The following ARHGEF10 variants were observed in gnomAD, a reference collection of about 807,000 sequenced individuals.
The protein encoded by ARHGEF10 is Rho guanine nucleotide exchange factor 10.
ARHGEF10 carries 140 observed loss-of-function variants against 147.4 expected under a neutral mutation model. That is an observed-to-expected ratio of 0.95 (90% CI 0.83 to 1.09). The LOEUF (loss-of-function observed/expected upper bound fraction) is 1.09. Ranked by LOEUF, ARHGEF10 falls within the 50% of genes least tolerant of loss-of-function variation. ARHGEF10 has a pLI of 0.00. For missense variants in ARHGEF10, 2,222 were observed against 1,752.7 expected, an observed-to-expected ratio of 1.27 and a Z score of -4.78; for synonymous variants, 902 against 695.8, an observed-to-expected ratio of 1.30 and a Z score of -4.67.
upstream of ARHGEF10, among the ~76,000 whole-genome samples, chr8:1,823,698 T>C (rs1802545043): frequency 6.6e-6 from 1 of 151,004 alleles, no homozygotes; most frequent in African/African-American, 2.4e-5. Context: ...CAGGAGATGA[T>C]CCGGGGGCGG....
intron 1 of ARHGEF10, among the ~76,000 whole-genome samples, chr8:1,826,808 C>T (rs932081955): frequency 6.6e-6 from 1 of 152,218 alleles, no homozygotes; most frequent in African/African-American, 2.4e-5. Flanking sequence ...CTCAGAGAAT[C>T]TGTGTTTCAT....
intron 1 of ARHGEF10, among the ~76,000 whole-genome samples, chr8:1,834,158 T>C (rs1268694837): frequency 6.6e-6 from 1 of 152,078 alleles, no homozygotes; most frequent in African/African-American, 2.4e-5. Flanking sequence ...TGGTGGCCGG[T>C]CCGGGGCTGC....
At chr8:1,921,131 A>T (rs901220949) in intron 18 of ARHGEF10, among the ~76,000 whole-genome samples, 1 of 152,188 alleles carries the variant, frequency 6.6e-6, no homozygotes, top group Non-Finnish European at 1.5e-5. Context: ...TGCAGTTAGT[A>T]ATTGCATTTG....
chr8:1,895,904 C>G lies in ARHGEF10; in HGVS notation c.1441-429C>G, dbSNP rs1482359356. Reference sequence around the variant, plus strand: ...AGAGAAGCAGGATCAGCCCCCGCCCCCAGCCCCCATTTCTAGGGTGTGGTT... The same window carrying G: ...AGAGAAGCAGGATCAGCCCCCGCCCGCAGCCCCCATTTCTAGGGTGTGGTT... On this transcript the variant is annotated intron_variant, in intron 13 of 28. Transcript: ENST00000349830. 2.6e-5 allele frequency among the ~76,000 whole-genome samples: 4 copies of G among 152,022 alleles called. No homozygotes were observed. The East Asian group carries it at 7.7e-4, about 29-fold the overall frequency.
chr8:1,909,936 A>G (rs1162752274), intron 18 of ARHGEF10, among the ~76,000 whole-genome samples: 1 of 152,188 alleles, frequency 6.6e-6, no homozygotes, highest in Non-Finnish European at 1.5e-5. Flanking sequence ...CCATGGAGGC[A>G]GTGCTTGTCC....
intron 1 of ARHGEF10, among the ~76,000 whole-genome samples, chr8:1,831,260 A>G (rs1341232377): frequency 7.0e-6 from 1 of 143,044 alleles, no homozygotes. Context: ...GGACAGTGGC[A>G]GCCGTGGAGG....
At chr8:1,929,218 T>A (rs1045540519) in intron 24 of ARHGEF10, 68 bp from the exon 25 acceptor site, 2 of 1,535,004 alleles carry the variant, frequency 1.3e-6, no homozygotes. Flanking sequence ...TGTGTTTATG[T>A]TAACAGGCAC....
chr8:1,912,362 C>T (rs530516551), intron 18 of ARHGEF10, among the ~76,000 whole-genome samples: 1 of 152,052 alleles, frequency 6.6e-6, no homozygotes, highest in East Asian at 1.9e-4. Flanking sequence ...GCTCGCCGTC[C>T]CTGCAAAAGT....
At chr8:1,833,304 G>C (rs952190888) in intron 1 of ARHGEF10, among the ~76,000 whole-genome samples, 1 of 95,792 alleles carries the variant, frequency 1.0e-5, no homozygotes, top group Admixed American at 1.1e-4. Context: ...AGAGACAGAG[G>C]CAGAGACAGA....
chr8:1,927,909 C>T (rs1474450207), intron 23 of ARHGEF10, among the ~76,000 whole-genome samples: 1 of 151,988 alleles, frequency 6.6e-6, no homozygotes, highest in Non-Finnish European at 1.5e-5. Context: ...CCATTGCACT[C>T]CAGCCTGGGT....
intron 1 of ARHGEF10, among the ~76,000 whole-genome samples, chr8:1,842,292 A>G (rs564177363): frequency 2.0e-5 from 3 of 152,034 alleles, no homozygotes; most frequent in Admixed American, 6.5e-5. Context: ...CTCATTGGAA[A>G]GTAGTGTCTG....
rs1218254746 is a variant in ARHGEF10, at chr8:1,833,300, A to G, written c.-48+9187A>G. Among the ~76,000 whole-genome samples the G allele has an allele frequency of 2.0e-4, 27 of 136,158 alleles. 1 individual carries two copies. The highest frequency in any genetic ancestry group is 7.7e-4 in the African/African-American group (27 of 35,264). The allele number at this position is 136,158 out of a possible 152,430, so 89.3% of individuals were successfully genotyped here. ...CAGAGGTAGAGACAGAAGCAGAGAC[A>G]GAGGCAGAGACAGAAGCAGAGGGAG... is the stretch of plus-strand genomic sequence containing the variant. On this transcript the variant is annotated intron_variant, in intron 1 of 28. Coordinates refer to ENST00000349830, the MANE Select transcript of ARHGEF10 (RefSeq NM_014629.4).
chr8:1,905,739 G>A (rs1260207608), intron 17 of ARHGEF10, 23 bp downstream of exon 17: 2 of 1,611,550 alleles, frequency 1.2e-6, no homozygotes, highest in Non-Finnish European at 1.7e-6. Context: ...ATTCTCTATA[G>A]TAGTCCTACC....
intron 1 of ARHGEF10, among the ~76,000 whole-genome samples, chr8:1,838,723 G>A (rs899898198): frequency 6.6e-6 from 1 of 152,268 alleles, no homozygotes; most frequent in Non-Finnish European, 1.5e-5. Context: ...CGTGGAGGCC[G>A]TCCACCGTGG....
intron 16 of ARHGEF10, 143 bp from the exon 17 acceptor site, chr8:1,905,428 A>G (rs985500543): frequency 5.0e-6 from 5 of 996,078 alleles, no homozygotes; most frequent in Non-Finnish European, 6.3e-6. Context: ...TGTTCAGCGC[A>G]GTCACGGGGA....
chr8:1,841,964 C>G (rs543294433), intron 1 of ARHGEF10, among the ~76,000 whole-genome samples: 496 of 37,858 alleles, frequency 0.013, 36 homozygotes, highest in African/African-American at 0.038. Context: ...GGGCCGCGAC[C>G]GGAACTGGGG....
At chr8:1,828,682 A>C (rs1224177996) in intron 1 of ARHGEF10, among the ~76,000 whole-genome samples, 91 of 88,704 alleles carry the variant, frequency 1.0e-3, no homozygotes, top group Middle Eastern at 7.1e-3. Flanking sequence ...ATGCACACTT[A>C]CTGTTTTAAG....
At chr8:1,883,819 G>C (rs1488443662) in intron 10 of ARHGEF10, among the ~76,000 whole-genome samples, 35 of 152,180 alleles carry the variant, frequency 2.3e-4, no homozygotes, top group Admixed American at 2.3e-3. Context: ...GTCCAGTGAG[G>C]AGTTGGGATT....
In ARHGEF10 at chr8:1,937,933, G is replaced by C. The variant is rs367578681; in HGVS notation, c.3222+3991G>C. ...GTGCCAGTGGAGGAGTCAGCATACC[G>C]GTGGGGGTGGCTGGCCCCGTCCCAG... On this transcript the variant is annotated intron_variant, in intron 26 of 28. Coordinates refer to ENST00000349830, the MANE Select transcript of ARHGEF10 (RefSeq NM_014629.4). This position sits in a 1 kb window ranked among gnomAD's most constrained non-coding sequence, Gnocchi z 4.9. Among the ~76,000 whole-genome samples, 1 of 152,198 alleles carries C rather than the reference G, an allele frequency of 6.6e-6. No homozygotes were observed. Among genetic ancestry groups the C allele is most frequent in the Non-Finnish European group, 1.5e-5 (1 of 68,038 alleles).
Sources: gnomAD v4.1 joint callset for allele counts (sites outside exome capture counted in the v4.1 genomes callset) on GRCh38, gnomAD v4.1.1 for gene constraint, Gnocchi (gnomAD v3.1) non-coding constraint, MANE v1.5 for transcripts, NCBI Gene and HGNC (gene_info 2026-07-23, HGNC 2026-07-21) for gene names.